LSAMP: variants seen among roughly 807,000 people sequenced by gnomAD.
The protein encoded by LSAMP is limbic system associated membrane protein, also known as limbic system-associated membrane protein.
LSAMP carries 7 observed loss-of-function variants against 38.6 expected under a neutral mutation model. The ratio of observed to expected loss-of-function variants is 0.18; its 90% CI spans 0.10 to 0.34. The LOEUF (loss-of-function observed/expected upper bound fraction) is 0.34. Among genes scored for constraint, LSAMP ranks in the 10% least tolerant of loss-of-function variants. The pLI is 1.00. For synonymous variants in LSAMP, 154 were observed against 166.8 expected, an observed-to-expected ratio of 0.92 and a Z score of 0.59; for missense variants, 313 against 420.0, an observed-to-expected ratio of 0.75 and a Z score of 2.23.
intron 1 of LSAMP, among the ~76,000 whole-genome samples, chr3:116,356,040 T>C (rs1341201667): frequency 6.6e-6 from 1 of 152,062 alleles, no homozygotes. Context: ...AAACTAAAAA[T>C]AGAATTACCA....
chr3:116,248,185 A>C (rs2046627449), intron 1 of LSAMP, among the ~76,000 whole-genome samples: 1 of 152,184 alleles, frequency 6.6e-6, no homozygotes, highest in Admixed American at 6.5e-5. Flanking sequence ...ACAGGTAACT[A>C]ATTCATTTGG....
intron 3 of LSAMP, among the ~76,000 whole-genome samples, chr3:115,926,187 G>A (rs911279025): frequency 2.0e-5 from 3 of 152,110 alleles, no homozygotes; most frequent in Non-Finnish European, 4.4e-5. Context: ...TTCTGGGCAC[G>A]GCACTTAAAG....
intron 1 of LSAMP, among the ~76,000 whole-genome samples, chr3:116,232,070 C>T (rs2046407678): frequency 6.6e-6 from 1 of 152,184 alleles, no homozygotes; most frequent in South Asian, 2.1e-4. Context: ...TAATTACATG[C>T]ACCATCTTTC....
At chr3:116,172,082 C>T (rs1345959639) in intron 1 of LSAMP, among the ~76,000 whole-genome samples, 1 of 151,714 alleles carries the variant, frequency 6.6e-6, no homozygotes, top group Non-Finnish European at 1.5e-5. Context: ...TTTTATTGAC[C>T]TTCTTCCAAA....
intron 1 of LSAMP, among the ~76,000 whole-genome samples, chr3:116,218,855 A>C (rs942889752): frequency 1.3e-5 from 2 of 152,126 alleles, no homozygotes; most frequent in Non-Finnish European, 2.9e-5. Context: ...TAGCTTTTCA[A>C]CTTACTCTGA....
Position 116,080,711 on chromosome 3 carries a change from G to A in LSAMP, c.388+5613C>T, listed in dbSNP as rs1576351001. On this transcript the variant is annotated intron_variant, in intron 2 of 6. Coordinates refer to ENST00000490035, the MANE Select transcript of LSAMP (RefSeq NM_002338.5). ...ACAGCCAATCAAGAGGCTATTGTCT[G>A]AAAAATTAAGCTGAAGAGTAGAAAA... 3.3e-5 allele frequency among the ~76,000 whole-genome samples: 5 copies of A among 152,316 alleles called. No homozygotes were observed. In the South Asian group the frequency reaches 1.0e-3, roughly 32 times the overall value.
Position 116,196,124 on chromosome 3 carries a change from G to A in LSAMP, c.156-109568C>T, listed in dbSNP as rs574566170. ...CACCTCATCTTCTCATTGATCATCC[G>A]AGGACTTTCAGGAATATTCAGCTAA... On this transcript the variant is annotated intron_variant, in intron 1 of 6. Coordinates refer to ENST00000490035, the MANE Select transcript of LSAMP (RefSeq NM_002338.5). Among the ~76,000 whole-genome samples, 8 of 152,154 alleles carry A rather than the reference G, an allele frequency of 5.3e-5. No homozygotes were observed. In the East Asian group the frequency reaches 1.5e-3, roughly 29 times the overall value.
chr3:115,941,037 T>C (rs917820814), intron 3 of LSAMP, among the ~76,000 whole-genome samples: 3 of 152,132 alleles, frequency 2.0e-5, no homozygotes, highest in African/African-American at 7.2e-5. Context: ...ATATATCTTA[T>C]AAGGGGTTAA....
chr3:116,193,275 C>T (rs1423162685), intron 1 of LSAMP, among the ~76,000 whole-genome samples: 1 of 152,146 alleles, frequency 6.6e-6, no homozygotes, highest in Admixed American at 6.5e-5. Context: ...GCCTGATTGT[C>T]CAACTTCTCC....
intron 1 of LSAMP, among the ~76,000 whole-genome samples, chr3:116,146,531 C>T (rs1451409053): frequency 6.6e-6 from 1 of 151,840 alleles, no homozygotes; most frequent in Non-Finnish European, 1.5e-5. Flanking sequence ...GAAAAAGTGC[C>T]TCTTTGAGAG....
At chr3:116,328,221 C>G (rs2047800705) in intron 1 of LSAMP, among the ~76,000 whole-genome samples, 1 of 152,146 alleles carries the variant, frequency 6.6e-6, no homozygotes, top group Admixed American at 6.6e-5. Context: ...GAATATATTT[C>G]CCTTTGCCAC....
intron 2 of LSAMP, among the ~76,000 whole-genome samples, chr3:116,049,340 T>A (rs567432593): frequency 1.3e-5 from 2 of 152,334 alleles, no homozygotes; most frequent in South Asian, 4.1e-4. Context: ...CCATTCATCT[T>A]CAGTAGTCTC....
chr3:116,300,868 C>T (rs934616478), intron 1 of LSAMP, among the ~76,000 whole-genome samples: 2 of 152,058 alleles, frequency 1.3e-5, no homozygotes, highest in African/African-American at 2.4e-5. Flanking sequence ...CACAAAAGAC[C>T]AATCCAACCT....
chr3:116,432,243 T>C (rs1353404213), intron 1 of LSAMP, among the ~76,000 whole-genome samples: 1 of 151,972 alleles, frequency 6.6e-6, no homozygotes, highest in Non-Finnish European at 1.5e-5. Flanking sequence ...AAGTTCAAAG[T>C]AATATTCATG....
chr3:116,028,100 T>C (rs935369292), intron 2 of LSAMP, among the ~76,000 whole-genome samples: 1 of 152,152 alleles, frequency 6.6e-6, no homozygotes, highest in Admixed American at 6.6e-5. Context: ...GAATATGGTG[T>C]GTCTATGTAA....
chr3:116,240,096 T>C (rs1332469076), intron 1 of LSAMP, among the ~76,000 whole-genome samples: 1 of 152,186 alleles, frequency 6.6e-6, no homozygotes, highest in Non-Finnish European at 1.5e-5. Context: ...ATTTTCAAAT[T>C]ATACAATTGA....
At chr3:116,196,083 A>T in intron 1 of LSAMP, among the ~76,000 whole-genome samples, 1 of 152,206 alleles carries the variant, frequency 6.6e-6, no homozygotes. Flanking sequence ...ACTGAGCCAT[A>T]AGGGTCAGTG....
At chr3:115,832,034 C>T (rs1014246993) in intron 6 of LSAMP, among the ~76,000 whole-genome samples, 1 of 152,068 alleles carries the variant, frequency 6.6e-6, no homozygotes, top group Non-Finnish European at 1.5e-5. Context: ...TTTATTGAGG[C>T]TTGTTTTTGT....
chr3:116,302,846 A>G (rs1356334826), intron 1 of LSAMP, among the ~76,000 whole-genome samples: 1 of 152,158 alleles, frequency 6.6e-6, no homozygotes, highest in Non-Finnish European at 1.5e-5. Flanking sequence ...TTTTAGTAGC[A>G]CTGATCTCCC....
Sources: allele counts gnomAD v4.1 joint callset (sites outside exome capture counted in the v4.1 genomes callset), GRCh38; gene constraint gnomAD v4.1.1; transcripts MANE v1.5; gene names NCBI Gene and HGNC (gene_info 2026-07-23, HGNC 2026-07-21).